Variants in C1R observed in about 807,000 individuals in gnomAD.
C1R encodes complement C1r.
A neutral mutation model predicts 27.6 loss-of-function variants in C1R; 15 were observed. That is an observed-to-expected ratio of 0.54 (90% confidence interval 0.36 to 0.84). The LOEUF (loss-of-function observed/expected upper bound fraction) is 0.84, where lower values mean the gene tolerates loss of function less well. Ranked by LOEUF, C1R falls within the 40% of genes least tolerant of loss-of-function variation. The pLI is 0.01. For synonymous variants in C1R, 253 were observed against 228.8 expected (o/e 1.11, Z -0.95); for missense variants, 544 against 577.9 (o/e 0.94, Z 0.60).
intron 7 of C1R, among the ~76,000 whole-genome samples, chr12:7,088,179 G>A (rs1185989426): frequency 2.0e-5 from 3 of 152,154 alleles, no homozygotes; most frequent in African/African-American, 7.2e-5. Context: ...CAGCTCTCTT[G>A]AGTTATTGGA....
At position 7,089,054 on chromosome 12, in the gene C1R, C is replaced by T. The variant is rs1366344019; in HGVS notation, c.769-68G>A. On this transcript the variant is annotated intron_variant, in intron 5 of 10. Coordinates refer to ENST00000647956, the MANE Select transcript of C1R (RefSeq NM_001733.7). ...TTACACAGGGCCAACTGGGTAGTAG[C>T]CTGGTGGCCAGGGTGGTGGTGGTGG... is the stretch of plus-strand genomic sequence containing the variant. The T allele has an allele frequency of 6.1e-6, 4 of 659,184 alleles. No individual in the cohort carries two copies. The Admixed American group carries it at 9.7e-5, about 16-fold the overall frequency. 40.8% of individuals were successfully genotyped at this position (659,184 alleles called of 1,614,324 possible). A position where few individuals can be genotyped will look rare whatever the true frequency, so the allele number is the denominator to read the frequency against.
chr12:7,080,532 T>C lies in C1R; in HGVS notation c.2118A>G (p.Ter706TrpextTer33). Residue 706 changes from the stop codon to tryptophan, a stop_lost, in exon 11 of 11, where the codon TGA becomes TGG. Coordinates refer to ENST00000647956, the MANE Select transcript of C1R (RefSeq NM_001733.7). This position sits in a 1 kb window ranked among gnomAD's most constrained non-coding sequence, Gnocchi z 4.9. Reference sequence around the variant, plus strand: ...GATTCGAACCTAGTGAATTCTGGGCTCAGTCCTCCTCCTCCATCTCTTTCT... The same window carrying C: ...GATTCGAACCTAGTGAATTCTGGGCCCAGTCCTCCTCCTCCATCTCTTTCT... ...WIKKEMEEED* is the reference protein window; with the variant it reads ...WIKKEMEEEDW The C allele has an allele frequency of 6.4e-7, 1 of 1,552,754 alleles. No homozygotes were observed. Among genetic ancestry groups the C allele is most frequent in the Non-Finnish European group, 8.7e-7 (1 of 1,148,214 alleles).
rs1938265821 is a variant in C1R, at chr12:7,091,167, ACT to A, written c.231+283_231+284del. On this transcript the variant is annotated intron_variant, in intron 2 of 10. Coordinates refer to ENST00000647956, the MANE Select transcript of C1R (RefSeq NM_001733.7). The surrounding 1 kb of genome is among the most constrained non-coding windows in gnomAD (Gnocchi z 5.1). ...GCTGAGGCACAGTGGTTTCCCAAAG[ACT>A]CTCAGCTAGACAGCAGATGGGGAAG... 2.4e-6 allele frequency: 1 copy of A among 412,306 alleles called. No homozygotes were observed. The highest frequency in any genetic ancestry group is 4.3e-6 in the Non-Finnish European group (1 of 230,390). The allele number at this position is 412,306 out of a possible 1,614,324, so 25.5% of individuals were successfully genotyped here.
rs1390036841 is a variant in C1R at position 7,088,734 on chromosome 12, G to A, written c.917-3C>T. On this transcript the variant is annotated splice_region_variant and splice_polypyrimidine_tract_variant and intron_variant, in intron 6 of 10. Coordinates refer to ENST00000647956, the MANE Select transcript of C1R (RefSeq NM_001733.7). ...CTTGGGCTGGGGGCACTTGATGACT[G>A]TTGGGGAGACCAGGGGGCATATTTA... The A allele has an allele frequency of 3.9e-6, 3 of 777,654 alleles. No homozygotes were observed. The highest frequency in any genetic ancestry group is 1.7e-5 in the African/African-American group (1 of 59,080). 48.2% of individuals were successfully genotyped at this position (777,654 alleles called of 1,614,324 possible).
At position 7,091,934 on chromosome 12, in the gene C1R, G is replaced by T; in HGVS notation, c.3-254C>A. The stretch of plus-strand genomic sequence containing the variant: ...ACACTCCCCTCACACTCCCTTTCCA[G>T]CCTCCTCCCCTGCCCGGACGCGTCC... On this transcript the variant is annotated intron_variant, in intron 1 of 10. Coordinates refer to ENST00000647956, the MANE Select transcript of C1R (RefSeq NM_001733.7). The surrounding 1 kb of genome is among the most constrained non-coding windows in gnomAD (Gnocchi z 5.1). 1 of 656,146 alleles carries T rather than the reference G, an allele frequency of 1.5e-6. No individual in the cohort carries two copies. Among genetic ancestry groups the T allele is most frequent in the Non-Finnish European group, 2.8e-6 (1 of 356,592 alleles). The allele number at this position is 656,146 out of a possible 1,614,324, so 40.6% of individuals were successfully genotyped here. A position where few individuals can be genotyped will look rare whatever the true frequency, so the allele number is the denominator to read the frequency against.
In C1R at chr12:7,080,673, T is replaced by C. The variant is rs373463444; in HGVS notation, c.1977A>G (p.Ala659=). ...AGCGATCAGTGTTCGGGTCCCTTAC[T>C]GCAAAAACGCCCCCACTATCCCCCT... ...ACQGDSGGVF[A]VRDPNTDRWV... is the part of the protein sequence containing the mutation. The change falls in exon 11 of 11, where the codon GCA becomes GCG. Residue 659 remains alanine (A), a synonymous_variant. Transcript: ENST00000647956. This position sits in a 1 kb window ranked among gnomAD's most constrained non-coding sequence, Gnocchi z 4.9. 1.1e-5 allele frequency: 17 copies of C among 1,613,786 alleles called. No homozygotes were observed. The highest frequency in any genetic ancestry group is 8.3e-5 in the Admixed American group (5 of 59,990).
chr12:7,090,302 G>A (rs1264762830), intron 2 of C1R, 54 bp from the exon 3 acceptor site: 40 of 688,590 alleles, frequency 5.8e-5, no homozygotes, highest in Non-Finnish European at 9.7e-5. Flanking sequence ...AGTGGCGCAC[G>A]TGGTGGCTCA....
chr12:7,083,082 CTAA>C (rs1938091730), intron 9 of C1R, among the ~76,000 whole-genome samples: 2 of 152,174 alleles, frequency 1.3e-5, no homozygotes, highest in Non-Finnish European at 2.9e-5. Context: ...AAAATACCCA[CTAA>C]TGAGTGAGAG....
rs376786076 is a variant in C1R, at chr12:7,088,690, T to C, written c.958A>G (p.Ile320Val). The change falls in exon 7 of 11, where the codon ATC becomes GTC. Residue 320 changes from isoleucine to valine, a missense_variant. Coordinates refer to ENST00000647956, the MANE Select transcript of C1R (RefSeq NM_001733.7). ...PQPKTLDEFT[I>V]IQNLQPQYQF... ...TACTGAGGCTGCAGGTTCTGGATGATGGTGAACTCGTCTAGGGTCTTGGGC... is the reference window on the plus strand; with the variant it reads ...TACTGAGGCTGCAGGTTCTGGATGACGGTGAACTCGTCTAGGGTCTTGGGC... The C allele has an allele frequency of 5.2e-6, 4 of 773,944 alleles. No homozygotes were observed. Among genetic ancestry groups the C allele is most frequent in the African/African-American group, 3.4e-5 (2 of 59,068 alleles). 47.9% of individuals were successfully genotyped at this position (773,944 alleles called of 1,614,324 possible).
chr12:7,085,519 G>A (rs2135740828), intron 9 of C1R, among the ~76,000 whole-genome samples: 1 of 152,126 alleles, frequency 6.6e-6, no homozygotes, highest in Admixed American at 6.5e-5. Flanking sequence ...TGGTGATTGT[G>A]CTGGCACTGA....
chr12:7,091,933 A>G lies in C1R; in HGVS notation c.3-253T>C. 1.5e-6 allele frequency: 1 copy of G among 656,980 alleles called. No homozygotes were observed. Among genetic ancestry groups the G allele is most frequent in the South Asian group, 1.6e-5 (1 of 64,028 alleles). The allele number at this position is 656,980 out of a possible 1,614,324, so 40.7% of individuals were successfully genotyped here. A position where few individuals can be genotyped will look rare whatever the true frequency, so the allele number is the denominator to read the frequency against. Reference sequence around the variant, plus strand: ...CACACTCCCCTCACACTCCCTTTCCAGCCTCCTCCCCTGCCCGGACGCGTC... The same window carrying G: ...CACACTCCCCTCACACTCCCTTTCCGGCCTCCTCCCCTGCCCGGACGCGTC... On this transcript the variant is annotated intron_variant, in intron 1 of 10. Coordinates refer to ENST00000647956, the MANE Select transcript of C1R (RefSeq NM_001733.7). The surrounding 1 kb of genome is among the most constrained non-coding windows in gnomAD (Gnocchi z 5.1).
chr12:7,091,639 G>T lies in C1R; in HGVS notation c.44C>A (p.Ala15Glu), dbSNP rs1324803994. The change falls in exon 2 of 11, where the codon GCA becomes GAA. Residue 15 changes from alanine to glutamate, a missense_variant. Coordinates refer to ENST00000647956, the MANE Select transcript of C1R (RefSeq NM_001733.7). The surrounding 1 kb of genome is among the most constrained non-coding windows in gnomAD (Gnocchi z 5.1). The stretch of plus-strand genomic sequence containing the variant: ...CTGAGGGATGGGAATGGAGCCTCCT[G>T]CCCTGCAGAACAGGGCCGGCACCAG... ...YLLVPALFCR[A>E]GGSIPIPQKL... 1.3e-6 allele frequency: 1 copy of T among 756,746 alleles called. No homozygotes were observed. The highest frequency in any genetic ancestry group is 1.8e-5 in the Admixed American group (1 of 54,966). 46.9% of individuals were successfully genotyped at this position (756,746 alleles called of 1,614,324 possible).
intron 9 of C1R, among the ~76,000 whole-genome samples, chr12:7,082,580 C>T (rs1938085149): frequency 6.6e-6 from 1 of 152,130 alleles, no homozygotes; most frequent in African/African-American, 2.4e-5. Context: ...ATCCACCTGC[C>T]TCGGTCTCCC....
At chr12:7,089,886 C>T (rs1394022406) in intron 3 of C1R, 153 bp from the exon 4 acceptor site, 1 of 710,472 alleles carries the variant, frequency 1.4e-6, no homozygotes, top group African/African-American at 1.7e-5. Flanking sequence ...CTGGGGACTG[C>T]TCCATGGGGA....
chr12:7,084,830 A>T (rs1938114710), intron 9 of C1R, among the ~76,000 whole-genome samples: 1 of 139,178 alleles, frequency 7.2e-6, no homozygotes, highest in Non-Finnish European at 1.5e-5. Context: ...GGTGTTGGTA[A>T]TGGTGTTGGT....
chr12:7,090,751 G>A (rs755172669), intron 2 of C1R, among the ~76,000 whole-genome samples: 6 of 152,058 alleles, frequency 3.9e-5, no homozygotes, highest in East Asian at 3.9e-4. Context: ...GCACTGCCTC[G>A]TCCCTCTTCC....
At position 7,091,375 on chromosome 12, in the gene C1R, G is replaced by A. The variant is rs1363456948; in HGVS notation, c.231+77C>T. The A allele has an allele frequency of 1.4e-6, 1 of 698,466 alleles. No individual in the cohort carries two copies. The highest frequency in any genetic ancestry group is 1.8e-5 in the African/African-American group (1 of 55,816). 43.3% of individuals were successfully genotyped at this position (698,466 alleles called of 1,614,324 possible). On this transcript the variant is annotated intron_variant, in intron 2 of 10. Coordinates refer to ENST00000647956, the MANE Select transcript of C1R (RefSeq NM_001733.7). This position sits in a 1 kb window ranked among gnomAD's most constrained non-coding sequence, Gnocchi z 5.1. The stretch of plus-strand genomic sequence containing the variant: ...CTTGTGGGGCTGGGCTGTGTCTGGG[G>A]GTGTGCATGCCATACAGATCCCAGA...
chr12:7,081,451 C>T, intron 10 of C1R, 150 bp from the exon 11 acceptor site: 1 of 670,380 alleles, frequency 1.5e-6, no homozygotes, highest in Non-Finnish European at 2.6e-6. Flanking sequence ...CGTCATTGGC[C>T]TATTGACAGG....
At chr12:7,090,963 G>T (rs1025087253) in intron 2 of C1R, among the ~76,000 whole-genome samples, 2 of 152,198 alleles carry the variant, frequency 1.3e-5, no homozygotes, top group African/African-American at 4.8e-5. Context: ...ATTTTTACTG[G>T]ATAGAGAAAG....
Sources: allele counts gnomAD v4.1 joint callset (sites outside exome capture counted in the v4.1 genomes callset), GRCh38; gene constraint gnomAD v4.1.1; non-coding constraint Gnocchi (gnomAD v3.1); transcripts MANE v1.5; gene names NCBI Gene and HGNC (gene_info 2026-07-23, HGNC 2026-07-21).